The following RFC1 variants were observed in gnomAD, a reference collection of about 807,000 sequenced individuals.
RFC1 encodes the protein A1 140 kDa subunit.
Under a neutral mutation model 137.4 loss-of-function variants are expected in RFC1, and 37 were observed. The observed-to-expected ratio is 0.27, with a 90% CI of 0.21 to 0.35. The LOEUF is 0.35. Among genes scored for constraint, RFC1 ranks in the 10% least tolerant of loss-of-function variants. The probability of loss-of-function intolerance (pLI) is 1.00; values close to 1 mark genes in which losing one functional copy is unlikely to be tolerated. For missense variants in RFC1, 1,205 were observed against 1,358.5 expected (o/e 0.89, Z 1.78); for synonymous variants, 429 against 455.7 (o/e 0.94, Z 0.75).
chr4:39,366,000 T>C (rs1742006477), intron 1 of RFC1, among the ~76,000 whole-genome samples: 1 of 152,130 alleles, frequency 6.6e-6, no homozygotes, highest in Non-Finnish European at 1.5e-5. Context: ...GGGGGGAAAG[T>C]GCAAGTACAC....
chr4:39,310,045 A>C (rs1007201418), intron 12 of RFC1, among the ~76,000 whole-genome samples: 7 of 152,204 alleles, frequency 4.6e-5, no homozygotes, highest in Admixed American at 4.6e-4. Context: ...GATTATCCTC[A>C]CTAATAATAA....
intron 10 of RFC1, among the ~76,000 whole-genome samples, chr4:39,313,266 T>C (rs1739057048): frequency 6.6e-6 from 1 of 152,224 alleles, no homozygotes; most frequent in South Asian, 2.1e-4. Flanking sequence ...TAACTATAAA[T>C]AAACAACCAA....
At chr4:39,329,996 T>C (rs867656821) in intron 4 of RFC1, among the ~76,000 whole-genome samples, 13 of 152,098 alleles carry the variant, frequency 8.5e-5, no homozygotes, top group South Asian at 4.2e-4. Flanking sequence ...ATTGCACCAC[T>C]GCACTCCAGC....
intron 15 of RFC1, among the ~76,000 whole-genome samples, chr4:39,303,890 T>C (rs1738499914): frequency 6.6e-6 from 1 of 152,244 alleles, no homozygotes; most frequent in Non-Finnish European, 1.5e-5. Context: ...ATGAAATATA[T>C]AGGATGCTTC....
chr4:39,336,441 A>C lies in RFC1; in HGVS notation c.331+5904T>G, dbSNP rs191135458. 1.8e-4 allele frequency among the ~76,000 whole-genome samples: 27 copies of C among 152,382 alleles called. No homozygotes were observed. In the East Asian group the frequency reaches 4.2e-3, roughly 24 times the overall value. On this transcript the variant is annotated intron_variant, in intron 4 of 24. Transcript: ENST00000349703. ...AAGTAGACAAGGGCTCACTAAGCAT[A>C]AACCAAGGCCTAAGCCTTCATTTAT...
At chr4:39,309,155 C>A in intron 12 of RFC1, 123 bp from the exon 13 acceptor site, 2 of 948,800 alleles carry the variant, frequency 2.1e-6, no homozygotes, top group Non-Finnish European at 1.5e-6. Flanking sequence ...CTGGGCTGGT[C>A]TTTTCACAAC....
intron 1 of RFC1, among the ~76,000 whole-genome samples, chr4:39,356,433 T>C (rs1451977343): frequency 6.6e-6 from 1 of 152,096 alleles, no homozygotes; most frequent in Non-Finnish European, 1.5e-5. Context: ...ACATGAACGG[T>C]TATTCCTCAG....
At chr4:39,335,412 T>C (rs191503538) in intron 4 of RFC1, among the ~76,000 whole-genome samples, 1 of 152,318 alleles carries the variant, frequency 6.6e-6, no homozygotes, top group East Asian at 1.9e-4. Flanking sequence ...CTAAGACTGC[T>C]CATCTTCAAT....
intron 7 of RFC1, chr4:39,322,402 C>T (rs1313299875): frequency 6.7e-6 from 1 of 149,250 alleles, no homozygotes; most frequent in Non-Finnish European, 1.5e-5. Context: ...AGTGAGACCT[C>T]GCAAAAAAAA....
At chr4:39,303,975 T>A (rs1297580561) in intron 15 of RFC1, among the ~76,000 whole-genome samples, 1 of 152,202 alleles carries the variant, frequency 6.6e-6, no homozygotes, top group Non-Finnish European at 1.5e-5. Flanking sequence ...TTTGCACATA[T>A]AAAATAATAG....
chr4:39,353,397 C>CAAAAAAAAAAAAAAAAAAAAAAAAAAA (rs11416030), intron 1 of RFC1, among the ~76,000 whole-genome samples: 1 of 63,518 alleles, frequency 1.6e-5, no homozygotes, highest in African/African-American at 6.0e-5. Flanking sequence ...GAGACTGTCT[C>CAAAAAAAAAAAAAAAAAAAAAAAAAAA]AAAAAAAAAA....
intron 1 of RFC1, 44 bp downstream of exon 1, chr4:39,366,195 G>GC (rs754497113): frequency 1.6e-5 from 25 of 1,547,820 alleles, no homozygotes; most frequent in Admixed American, 3.9e-5. Flanking sequence ...GGCCTGCAAA[G>GC]CCCCCCCAGA....
chr4:39,324,565 A>C (rs1351089399), intron 6 of RFC1, among the ~76,000 whole-genome samples: 1 of 152,236 alleles, frequency 6.6e-6, no homozygotes, highest in African/African-American at 2.4e-5. Context: ...AAACATTTTG[A>C]AAACACAAAC....
chr4:39,319,625 A>G (rs963323231), intron 9 of RFC1, among the ~76,000 whole-genome samples: 5 of 152,234 alleles, frequency 3.3e-5, no homozygotes, highest in African/African-American at 1.2e-4. Flanking sequence ...TAGAAATAAA[A>G]CTTGAAAACA....
At chr4:39,346,660 C>A (rs1441605156) in intron 2 of RFC1, among the ~76,000 whole-genome samples, 1 of 152,070 alleles carries the variant, frequency 6.6e-6, no homozygotes, top group Non-Finnish European at 1.5e-5. Flanking sequence ...TATAATAAAA[C>A]TTCAAAAACA....
At chr4:39,302,970 C>T (rs1022058063) in intron 16 of RFC1, 90 bp downstream of exon 16, 1 of 1,441,928 alleles carries the variant, frequency 6.9e-7, no homozygotes, top group Non-Finnish European at 9.8e-7. Flanking sequence ...CAGCAACATG[C>T]CTTAACTGCC....
chr4:39,317,012 G>A lies in RFC1; in HGVS notation c.1106C>T (p.Pro369Leu), dbSNP rs1424516993. The A allele has an allele frequency of 6.2e-7, 1 of 1,612,278 alleles. No homozygotes were observed. The highest frequency in any genetic ancestry group is 1.1e-5 in the South Asian group (1 of 90,944). Residue 369 changes from proline (P) to leucine (L), a missense_variant, in exon 10 of 25, where the codon CCT (proline) becomes CTT (leucine). This residue lies in a region of RFC1 where 962 missense variants were observed against 1,035.3 expected (regional missense o/e 0.93). Coordinates refer to ENST00000349703, the MANE Select transcript of RFC1 (RefSeq NM_002913.5). ...AGTGCGTTTCTTTTCAGAATCTTCA[G>A]GACTTACAGACTTTGGGAACAGGGA... ...SSPAKKESVS[P>L]EDSEKKRTNY...
chr4:39,348,636 G>C (rs188951976), intron 2 of RFC1, among the ~76,000 whole-genome samples: 13 of 152,050 alleles, frequency 8.5e-5, no homozygotes, highest in African/African-American at 3.1e-4. Context: ...TGAGATTCCA[G>C]TGACAGGACA....
intron 14 of RFC1, among the ~76,000 whole-genome samples, chr4:39,305,531 C>T (rs1738593374): frequency 6.6e-6 from 1 of 152,080 alleles, no homozygotes; most frequent in South Asian, 2.1e-4. Context: ...TCACTTGAAC[C>T]TGGGAGGCAG....
Sources: allele counts gnomAD v4.1 joint callset (sites outside exome capture counted in the v4.1 genomes callset), GRCh38; gene constraint gnomAD v4.1.1; regional missense constraint gnomAD v4.1.1; transcripts MANE v1.5; gene names NCBI Gene and HGNC (gene_info 2026-07-23, HGNC 2026-07-21).